GSG1L2: variants seen among roughly 807,000 people sequenced by gnomAD.
The protein encoded by GSG1L2 is germ cell-specific gene 1-like protein 2.
A neutral mutation model predicts 9.0 loss-of-function variants in GSG1L2; 15 were observed. That is an observed-to-expected ratio of 1.67 (90% confidence interval 1.12 to 2.57). The LOEUF is 2.57. Among genes scored for constraint, GSG1L2 ranks in the 30% most tolerant of loss-of-function variants. The pLI is 0.00. For synonymous variants in GSG1L2, 127 were observed against 57.9 expected, an observed-to-expected ratio of 2.19 and a Z score of -5.41; for missense variants, 286 against 150.3, an observed-to-expected ratio of 1.90 and a Z score of -4.72.
rs115082603 is a variant in GSG1L2 at position 9,807,472 on chromosome 17, C to A, written c.623+18G>T. Reference sequence around the variant, plus strand: ...TCCTGATCCTCCAGGACTTCAGCACCATGACCAAGCAACTTACCAATATGA... The same window carrying A: ...TCCTGATCCTCCAGGACTTCAGCACAATGACCAAGCAACTTACCAATATGA... On this transcript the variant is annotated intron_variant, in intron 4 of 4. Coordinates refer to ENST00000399363, the MANE Select transcript of GSG1L2 (RefSeq NM_001310219.2). 142 of 702,684 alleles carry A rather than the reference C, an allele frequency of 2.0e-4. No homozygotes were observed. In the African/African-American group the frequency reaches 2.3e-3, roughly 11 times the overall value. 43.5% of individuals were successfully genotyped at this position (702,684 alleles called of 1,614,324 possible). A position where few individuals can be genotyped will look rare whatever the true frequency, so the allele number is the denominator to read the frequency against.
intron 1 of GSG1L2, among the ~76,000 whole-genome samples, chr17:9,816,462 G>A (rs59819151): frequency 0.03 from 3,792 of 126,298 alleles, 173 homozygotes; most frequent in African/African-American, 0.11. Flanking sequence ...CTGTGTGTGC[G>A]TCCGTGTGCG....
intron 3 of GSG1L2, 56 bp from the exon 4 acceptor site, chr17:9,807,657 C>A: frequency 1.4e-6 from 1 of 701,614 alleles, no homozygotes. Flanking sequence ...TGGAAGAACT[C>A]TACGCGGTGT....
intron 1 of GSG1L2, among the ~76,000 whole-genome samples, chr17:9,818,597 C>T (rs528177326): frequency 5.4e-5 from 8 of 146,854 alleles, no homozygotes; most frequent in African/African-American, 2.0e-4. Context: ...CTCAGGCAAT[C>T]CACCCACCTT....
At chr17:9,806,529 CAAAAT>C (rs1432684254) in intron 4 of GSG1L2, among the ~76,000 whole-genome samples, 3 of 152,168 alleles carry the variant, frequency 2.0e-5, no homozygotes. Context: ...AAAAACAAAA[CAAAAT>C]GATACTGGAA....
chr17:9,818,391 T>A (rs757347950), intron 1 of GSG1L2, among the ~76,000 whole-genome samples: 1 of 152,016 alleles, frequency 6.6e-6, no homozygotes, highest in Non-Finnish European at 1.5e-5. Flanking sequence ...TGGAGTGTAA[T>A]GGTGCGATCT....
At chr17:9,804,583 T>G (rs2066510280) in intron 4 of GSG1L2, 1 of 152,196 alleles carries the variant, frequency 6.6e-6, no homozygotes. Context: ...ATTGGATGAT[T>G]CCCTTCTGAA....
chr17:9,810,797 TG>T, intron 1 of GSG1L2, 179 bp from the exon 2 acceptor site: 2 of 597,706 alleles, frequency 3.3e-6, no homozygotes, highest in Admixed American at 5.9e-5. Context: ...TATTGGACTC[TG>T]GCTTGGCCAC....
intron 1 of GSG1L2, among the ~76,000 whole-genome samples, chr17:9,817,319 C>T (rs970625657): frequency 6.6e-6 from 1 of 152,158 alleles, no homozygotes; most frequent in Non-Finnish European, 1.5e-5. Context: ...GAAGCAGCTC[C>T]CTCCCATTGG....
chr17:9,822,033 G>A lies in GSG1L2; in HGVS notation c.39C>T (p.Leu13=), dbSNP rs1441023962. The change falls in exon 1 of 5, where the codon CTC becomes CTT. Residue 13 remains leucine, a synonymous_variant. Coordinates refer to ENST00000399363, the MANE Select transcript of GSG1L2 (RefSeq NM_001310219.2). ...AGAAGGTGAGGGCGAGGCAGACAGG[G>A]AGGAGGAGCAGCGCCTGCTGCTGCT... The part of the protein sequence containing the change: ...RAKQQQALLL[L]PVCLALTFSL... 3 of 702,406 alleles carry A rather than the reference G, an allele frequency of 4.3e-6. No homozygotes were observed. The highest frequency in any genetic ancestry group is 3.0e-5 in the South Asian group (2 of 67,574). 43.5% of individuals were successfully genotyped at this position (702,406 alleles called of 1,614,324 possible).
chr17:9,816,665 G>A (rs1183583973), intron 1 of GSG1L2, among the ~76,000 whole-genome samples: 3 of 39,594 alleles, frequency 7.6e-5, no homozygotes, highest in Admixed American at 4.3e-4. Context: ...CTGTGTGTGC[G>A]TGTGTGTCTG....
chr17:9,815,434 C>T (rs1317604448), intron 1 of GSG1L2, among the ~76,000 whole-genome samples: 2 of 152,088 alleles, frequency 1.3e-5, no homozygotes, highest in Non-Finnish European at 2.9e-5. Context: ...TCCCAAAGCA[C>T]GTTCCACCAA....
At chr17:9,816,573 T>C (rs200422076) in intron 1 of GSG1L2, among the ~76,000 whole-genome samples, 2 of 119,004 alleles carry the variant, frequency 1.7e-5, no homozygotes, top group Non-Finnish European at 3.2e-5. Flanking sequence ...CATATCTGTG[T>C]CTGTGTGTGC....
At chr17:9,810,301 G>C (rs750380324) in intron 2 of GSG1L2, 2 of 528,636 alleles carry the variant, frequency 3.8e-6, no homozygotes, top group South Asian at 5.2e-5. Flanking sequence ...ATTGAAATTG[G>C]CTATGGTGGG....
chr17:9,810,191 G>A (rs1015679215), intron 2 of GSG1L2: 1 of 268,948 alleles, frequency 3.7e-6, no homozygotes, highest in African/African-American at 2.2e-5. Flanking sequence ...GTGTTAGGGA[G>A]CTTTAGAGAG....
At chr17:9,806,659 C>A (rs1162294708) in intron 4 of GSG1L2, among the ~76,000 whole-genome samples, 1 of 152,202 alleles carries the variant, frequency 6.6e-6, no homozygotes, top group African/African-American at 2.4e-5. Context: ...TTCATCTGAG[C>A]CCTGCTGCAA....
intron 1 of GSG1L2, among the ~76,000 whole-genome samples, chr17:9,813,158 T>C (rs1348367099): frequency 6.6e-6 from 1 of 152,234 alleles, no homozygotes; most frequent in East Asian, 1.9e-4. Flanking sequence ...CTTCTGGCAG[T>C]GCATGTCTAA....
intron 1 of GSG1L2, among the ~76,000 whole-genome samples, chr17:9,813,615 C>T (rs1426591753): frequency 6.6e-6 from 1 of 152,216 alleles, no homozygotes; most frequent in Admixed American, 6.5e-5. Flanking sequence ...CCCCAAAGCA[C>T]TGGAAACACC....
intron 1 of GSG1L2, among the ~76,000 whole-genome samples, chr17:9,816,618 GTC>G (rs959177477): frequency 2.2e-4 from 22 of 102,008 alleles, no homozygotes; most frequent in Non-Finnish European, 3.3e-4. Flanking sequence ...GTGTCTGTGT[GTC>G]TGTTTTGCAT....
At chr17:9,816,445 C>T (rs370254181) in intron 1 of GSG1L2, among the ~76,000 whole-genome samples, 5 of 136,206 alleles carry the variant, frequency 3.7e-5, no homozygotes, top group African/African-American at 8.4e-5. Context: ...TCTCTGTGTG[C>T]GTGTGTCTGT....
Sources: allele counts gnomAD v4.1 joint callset (sites outside exome capture counted in the v4.1 genomes callset), GRCh38; gene constraint gnomAD v4.1.1; transcripts MANE v1.5; gene names NCBI Gene and HGNC (gene_info 2026-07-23, HGNC 2026-07-21).